The following DOCK9 variants were observed in gnomAD, a reference collection of about 807,000 sequenced individuals.
The protein encoded by DOCK9 is dedicator of cytokinesis protein 9.
A neutral mutation model predicts 263.3 loss-of-function variants in DOCK9; 89 were observed. That is an observed-to-expected ratio of 0.34 (90% CI 0.28 to 0.40). DOCK9 has a LOEUF of 0.40. Among genes scored for constraint, DOCK9 ranks in the 10% least tolerant of loss-of-function variants. The pLI is 1.00. For synonymous variants in DOCK9, 976 were observed against 973.1 expected (o/e 1.00, Z -0.06); for missense variants, 2,140 against 2,603.4 (o/e 0.82, Z 3.87).
chr13:98,891,384 G>A (rs1478122769), intron 15 of DOCK9, among the ~76,000 whole-genome samples: 5 of 152,196 alleles, frequency 3.3e-5, no homozygotes, highest in Admixed American at 1.3e-4. Flanking sequence ...AGACACCTAT[G>A]AAGTTGTATC....
Position 99,077,507 on chromosome 13 carries a change from T to G in DOCK9, c.129+8716A>C, listed in dbSNP as rs1433978850. On this transcript the variant is annotated intron_variant, in intron 1 of 32. Coordinates refer to the DOCK9 transcript ENST00000427887. ...TCCAGAAGCAGAAACCTGTACAGCC[T>G]GCAGAACCATAAGCCAATTAAACCT... is the stretch of plus-strand genomic sequence containing the variant. Among the ~76,000 whole-genome samples the G allele has an allele frequency of 4.6e-5, 7 of 152,340 alleles. No individual in the cohort carries two copies. In the East Asian group the frequency reaches 1.3e-3, roughly 29 times the overall value.
intron 7 of DOCK9, 122 bp downstream of exon 7, chr13:98,920,832 A>G (rs927466270): frequency 6.3e-6 from 6 of 946,414 alleles, no homozygotes; most frequent in Non-Finnish European, 9.1e-6. Flanking sequence ...ATTTAAAGTT[A>G]TATGTTATAT....
chr13:99,055,544 C>T (rs986516477), intron 1 of DOCK9, among the ~76,000 whole-genome samples: 7 of 151,998 alleles, frequency 4.6e-5, no homozygotes, highest in Admixed American at 2.0e-4. Context: ...AGCAGCCAGG[C>T]GCACAGGGTC....
At chr13:98,846,756 T>C in intron 37 of DOCK9, 1 of 366,748 alleles carries the variant, frequency 2.7e-6, no homozygotes, top group Admixed American at 3.7e-5. Context: ...TGGACTATCA[T>C]CGACTGCATG....
At chr13:99,087,682 G>C (rs753377611), upstream of DOCK9, 1 of 152,222 alleles carries the variant, frequency 6.6e-6, no homozygotes, top group Non-Finnish European at 1.5e-5. Flanking sequence ...CGGAGAGGGC[G>C]CGCCAGGCGG....
intron 1 of DOCK9, among the ~76,000 whole-genome samples, chr13:99,065,118 C>T (rs796659656): frequency 7.2e-5 from 11 of 152,262 alleles, no homozygotes; most frequent in African/African-American, 2.6e-4. Context: ...GCTTCTTGAC[C>T]TCACCTGGCC....
At chr13:98,917,602 C>T (rs1348184732) in intron 7 of DOCK9, among the ~76,000 whole-genome samples, 5 of 150,014 alleles carry the variant, frequency 3.3e-5, no homozygotes, top group East Asian at 3.9e-4. Context: ...CAGTCTTGAA[C>T]GTGGGCCCAA....
chr13:98,927,935 A>G (rs182709233), intron 3 of DOCK9, among the ~76,000 whole-genome samples: 2 of 151,544 alleles, frequency 1.3e-5, no homozygotes, highest in East Asian at 3.9e-4. Flanking sequence ...TTAATACCTT[A>G]GGCAAAATGG....
intron 2 of DOCK9, among the ~76,000 whole-genome samples, chr13:98,930,484 G>A (rs1211409369): frequency 6.6e-6 from 1 of 152,106 alleles, no homozygotes; most frequent in Admixed American, 6.5e-5. Context: ...CTTGATCAGG[G>A]GCCCACAGAT....
chr13:98,809,027 T>G, intron 47 of DOCK9: 1 of 1,442,196 alleles, frequency 6.9e-7, no homozygotes, highest in South Asian at 1.4e-5. Context: ...TTGTAATAAC[T>G]AGACAGATAA....
chr13:98,981,762 C>A (rs2141606027), upstream of DOCK9, among the ~76,000 whole-genome samples: 1 of 152,306 alleles, frequency 6.6e-6, no homozygotes, highest in Non-Finnish European at 1.5e-5. Context: ...AACCTCAGAT[C>A]CCAAGCCTCC....
At chr13:99,025,922 A>G (rs902971873) in intron 1 of DOCK9, among the ~76,000 whole-genome samples, 1 of 152,224 alleles carries the variant, frequency 6.6e-6, no homozygotes, top group Non-Finnish European at 1.5e-5. Flanking sequence ...GCTAAGTGAA[A>G]GAAGCCCCGC....
At chr13:98,842,885 C>CT (rs2093271180) in intron 38 of DOCK9, among the ~76,000 whole-genome samples, 1 of 152,232 alleles carries the variant, frequency 6.6e-6, no homozygotes, top group African/African-American at 2.4e-5. Context: ...GCTAAGACTA[C>CT]TTGGCCATCA....
chr13:99,038,286 C>CA (rs1888099243), intron 1 of DOCK9, among the ~76,000 whole-genome samples: 1 of 75,828 alleles, frequency 1.3e-5, no homozygotes, highest in Admixed American at 1.5e-4. Flanking sequence ...CTTTATGCCC[C>CA]CCTTTTTTTT....
At chr13:99,048,824 T>A (rs1202263076) in intron 1 of DOCK9, among the ~76,000 whole-genome samples, 2 of 152,212 alleles carry the variant, frequency 1.3e-5, no homozygotes, top group Non-Finnish European at 2.9e-5. Context: ...GACTTCCCAC[T>A]TTGTTAGGTA....
In DOCK9 at chr13:99,018,562, A is replaced by G. The variant is rs565754194; in HGVS notation, c.130-63011T>C. Among the ~76,000 whole-genome samples, 5 of 152,344 alleles carry G rather than the reference A, an allele frequency of 3.3e-5. No homozygotes were observed. In the East Asian group the frequency reaches 5.8e-4, roughly 18 times the overall value. On this transcript the variant is annotated intron_variant, in intron 1 of 32. Transcript: ENST00000427887. ...AATTTTAAGTATTAGTCATTTTCCA[A>G]CCAACAAAATTAGTGGGCTCTTGAA... is the stretch of plus-strand genomic sequence containing the variant.
In DOCK9 at chr13:98,868,960, A is replaced by C. The variant is rs1436582371; in HGVS notation, c.2944-583T>G. On this transcript the variant is annotated intron_variant, in intron 27 of 52. Coordinates refer to ENST00000682017, the MANE Select transcript of DOCK9 (RefSeq NM_001366683.2). Reference sequence around the variant, plus strand: ...AGGTGGAGCTTCTGCATCCATTCCCAAAGATTCTGATTCAGGAGCCTGGCA... The same window carrying C: ...AGGTGGAGCTTCTGCATCCATTCCCCAAGATTCTGATTCAGGAGCCTGGCA... 2.0e-5 allele frequency among the ~76,000 whole-genome samples: 3 copies of C among 152,208 alleles called. No homozygotes were observed. The East Asian group carries it at 5.8e-4, about 29-fold the overall frequency.
chr13:98,898,646 G>T (rs2047795073), intron 13 of DOCK9, among the ~76,000 whole-genome samples: 1 of 152,090 alleles, frequency 6.6e-6, no homozygotes, highest in South Asian at 2.1e-4. Context: ...ACATTATTAG[G>T]ATTGAAATGA....
At chr13:99,056,883 C>T (rs578221531) in intron 1 of DOCK9, among the ~76,000 whole-genome samples, 25 of 152,296 alleles carry the variant, frequency 1.6e-4, no homozygotes, top group African/African-American at 5.3e-4. Flanking sequence ...CGTACAGCAG[C>T]GGGGATCCGA....
Sources: gnomAD v4.1 joint callset for allele counts (sites outside exome capture counted in the v4.1 genomes callset) on GRCh38, gnomAD v4.1.1 for gene constraint, MANE v1.5 for transcripts, NCBI Gene and HGNC (gene_info 2026-07-23, HGNC 2026-07-21) for gene names.